The following TMEM266 variants were observed in gnomAD, a reference collection of about 807,000 sequenced individuals.
TMEM266 encodes the protein Hv1 related protein 1.
A neutral mutation model predicts 50.5 loss-of-function variants in TMEM266; 33 were observed. That is an observed-to-expected ratio of 0.65 (90% confidence interval 0.50 to 0.87). The LOEUF is 0.87. TMEM266 is among the 40% of genes least tolerant of loss of function. The probability of loss-of-function intolerance (pLI) is 0.00; values close to 1 mark genes in which losing one functional copy is unlikely to be tolerated. For missense variants in TMEM266, 655 were observed against 695.1 expected (o/e 0.94, Z 0.65); for synonymous variants, 310 against 292.3 (o/e 1.06, Z -0.62).
chr15:76,105,775 G>T (rs1279503216), intron 1 of TMEM266, among the ~76,000 whole-genome samples: 1 of 152,210 alleles, frequency 6.6e-6, no homozygotes, highest in Non-Finnish European at 1.5e-5. Flanking sequence ...AGGGGCTCAG[G>T]AAATGTTTGA....
chr15:76,182,163 A>T (rs1298260711), intron 8 of TMEM266, among the ~76,000 whole-genome samples: 1 of 152,060 alleles, frequency 6.6e-6, no homozygotes, highest in Non-Finnish European at 1.5e-5. Flanking sequence ...GAATCCTCTT[A>T]TTCGGGGAGC....
intron 9 of TMEM266, among the ~76,000 whole-genome samples, chr15:76,194,312 C>G (rs2038624300): frequency 6.6e-6 from 1 of 152,178 alleles, no homozygotes; most frequent in African/African-American, 2.4e-5. Flanking sequence ...TTGAAACAGC[C>G]CCCTTCTTCA....
intron 9 of TMEM266, among the ~76,000 whole-genome samples, chr15:76,198,629 A>C (rs530355365): frequency 6.6e-6 from 1 of 152,352 alleles, no homozygotes; most frequent in East Asian, 1.9e-4. Context: ...ATCCAACCAT[A>C]GTCTTCTGTC....
At chr15:76,155,684 G>A (rs574798187) in intron 3 of TMEM266, among the ~76,000 whole-genome samples, 6 of 152,010 alleles carry the variant, frequency 3.9e-5, no homozygotes, top group African/African-American at 1.5e-4. Flanking sequence ...ATTTAACTTC[G>A]TTGGACCCAA....
At chr15:76,150,902 C>T (rs1056316246) in intron 3 of TMEM266, among the ~76,000 whole-genome samples, 2 of 152,220 alleles carry the variant, frequency 1.3e-5, no homozygotes, top group Admixed American at 1.3e-4. Context: ...TTTATGCAAA[C>T]ACCTAAGACT....
chr15:76,151,834 C>T (rs1020671734), intron 3 of TMEM266, among the ~76,000 whole-genome samples: 6 of 152,306 alleles, frequency 3.9e-5, no homozygotes, highest in African/African-American at 9.6e-5. Context: ...TCCTAACAAG[C>T]GCCAGGTGAT....
intron 6 of TMEM266, 109 bp downstream of exon 6, chr15:76,169,981 T>C: frequency 2.5e-6 from 3 of 1,181,604 alleles, no homozygotes; most frequent in Non-Finnish European, 3.7e-6. Context: ...GCTGGTTCCT[T>C]CTCCCACTTG....
In TMEM266 at chr15:76,204,299, G is replaced by GGGTCCCTGAGGCCTAGAGCCTGCCA; in HGVS notation, c.1581_*9dup. On this transcript the variant is annotated stop_gained and frameshift_variant, in exon 11 of 11. Coordinates refer to ENST00000388942, the MANE Select transcript of TMEM266 (RefSeq NM_152335.3). LOFTEE classifies it high-confidence loss of function. ...GAATCCAAAGAGCAAAAGCTGCACA[G>GGGTCCCTGAGGCCTAGAGCCTGCCA]GGTCCCTGAGGCCTAGAGCCTGCCA... 5 of 1,608,254 alleles carry GGGTCCCTGAGGCCTAGAGCCTGCCA rather than the reference G, an allele frequency of 3.1e-6. No individual in the cohort carries two copies. Among genetic ancestry groups the GGGTCCCTGAGGCCTAGAGCCTGCCA allele is most frequent in the Non-Finnish European group, 4.3e-6 (5 of 1,175,818 alleles).
At chr15:76,077,303 G>A (rs1307403444) in intron 1 of TMEM266, among the ~76,000 whole-genome samples, 2 of 152,162 alleles carry the variant, frequency 1.3e-5, no homozygotes, top group African/African-American at 4.8e-5. Flanking sequence ...TATGCATAGT[G>A]ATGGTGAGGT....
At chr15:76,159,875 G>A (rs1340756763) in intron 4 of TMEM266, among the ~76,000 whole-genome samples, 1 of 151,936 alleles carries the variant, frequency 6.6e-6, no homozygotes, top group Non-Finnish European at 1.5e-5. Flanking sequence ...TTGCGTCGGA[G>A]GCAAGAAGAA....
In TMEM266 at chr15:76,168,458, C is replaced by T. The variant is rs1352804205; in HGVS notation, c.457-1358C>T. 2.0e-5 allele frequency among the ~76,000 whole-genome samples: 3 copies of T among 152,178 alleles called. No homozygotes were observed. Among genetic ancestry groups the T allele is most frequent in the Admixed American group, 1.3e-4 (2 of 15,280 alleles). On this transcript the variant is annotated intron_variant, in intron 5 of 10. Coordinates refer to ENST00000388942, the MANE Select transcript of TMEM266 (RefSeq NM_152335.3). The surrounding 1 kb of genome is among the most constrained non-coding windows in gnomAD (Gnocchi z 4.4). ...AGGCTAGGCTTGTACTACAGGCATG[C>T]GGGAGAGGGGCACCATCTGGTGTGA...
Position 76,203,996 on chromosome 15 carries a change from C to T in TMEM266, c.1277C>T (p.Pro426Leu). ...CCGTCCTCTGAGCCCGGCCCTTCTCCCCCGCCGCTGCCATCCCAGCAGCAG... is the reference window on the plus strand; with the variant it reads ...CCGTCCTCTGAGCCCGGCCCTTCTCTCCCGCCGCTGCCATCCCAGCAGCAG... The change falls in exon 11 of 11, where the codon CCC (proline) becomes CTC (leucine). Residue 426 changes from proline to leucine, a missense_variant. Physicochemically the swap from Pro to Leu is moderately conservative, Grantham distance 98. Transcript: ENST00000388942. 6.2e-7 allele frequency: 1 copy of T among 1,608,800 alleles called. No individual in the cohort carries two copies. The highest frequency in any genetic ancestry group is 8.5e-7 in the Non-Finnish European group (1 of 1,176,110).
intron 3 of TMEM266, among the ~76,000 whole-genome samples, chr15:76,146,275 A>G (rs976580687): frequency 9.9e-5 from 15 of 152,202 alleles, no homozygotes; most frequent in Non-Finnish European, 1.5e-5. Context: ...GATGCTCCCC[A>G]TCTTTTTAGT....
chr15:76,150,225 T>G (rs2037817394), intron 3 of TMEM266, among the ~76,000 whole-genome samples: 1 of 152,166 alleles, frequency 6.6e-6, no homozygotes, highest in Non-Finnish European at 1.5e-5. Flanking sequence ...GCTGGAGAGC[T>G]CTGCAGTCCA....
At chr15:76,076,512 A>G (rs1404911869) in intron 1 of TMEM266, among the ~76,000 whole-genome samples, 3 of 152,102 alleles carry the variant, frequency 2.0e-5, no homozygotes, top group African/African-American at 7.3e-5. Flanking sequence ...CAAAATTCCA[A>G]CAATATGCTA....
chr15:76,075,909 T>C (rs2036601330), intron 1 of TMEM266, among the ~76,000 whole-genome samples: 1 of 124,176 alleles, frequency 8.1e-6, no homozygotes, highest in African/African-American at 3.1e-5. Context: ...CGGGCTGGAG[T>C]GCAGTGGCAC....
At chr15:76,157,484 C>G (rs1388601879) in intron 4 of TMEM266, among the ~76,000 whole-genome samples, 1 of 152,214 alleles carries the variant, frequency 6.6e-6, no homozygotes, top group African/African-American at 2.4e-5. Context: ...TCTTCCACCT[C>G]TTCTGTCCTG....
Position 76,169,876 on chromosome 15 carries a change from A to G in TMEM266, c.513+4A>G. On this transcript the variant is annotated splice_donor_region_variant and intron_variant, in intron 6 of 10. Coordinates refer to ENST00000388942, the MANE Select transcript of TMEM266 (RefSeq NM_152335.3). The stretch of plus-strand genomic sequence containing the variant: ...TTACATCGAAAACAAAATAGAGGTA[A>G]AGACCAATGTCCACCCCCAAAGCCC... 1 of 1,612,986 alleles carries G rather than the reference A, an allele frequency of 6.2e-7. No individual in the cohort carries two copies. Among genetic ancestry groups the G allele is most frequent in the South Asian group, 1.1e-5 (1 of 91,054 alleles).
At chr15:76,181,226 C>T (rs2038399193) in intron 8 of TMEM266, 1 of 152,226 alleles carries the variant, frequency 6.6e-6, no homozygotes, top group Admixed American at 6.5e-5. Flanking sequence ...GAAAACAGGT[C>T]TCTTGTTGCT....
Sources: allele counts gnomAD v4.1 joint callset (sites outside exome capture counted in the v4.1 genomes callset), GRCh38; gene constraint gnomAD v4.1.1; non-coding constraint Gnocchi (gnomAD v3.1); transcripts MANE v1.5; gene names NCBI Gene and HGNC (gene_info 2026-07-23, HGNC 2026-07-21).